The following ATG16L1 variants were observed in gnomAD, a reference collection of about 807,000 sequenced individuals.
ATG16L1 encodes the protein autophagy-related protein 16-1.
A neutral mutation model predicts 88.5 loss-of-function variants in ATG16L1; 37 were observed. The ratio of observed to expected loss-of-function variants is 0.42; its 90% CI spans 0.32 to 0.55. ATG16L1 has a LOEUF of 0.55. ATG16L1 is among the 20% of genes least tolerant of loss of function. The pLI, the probability that ATG16L1 is intolerant of heterozygous loss-of-function variation, is 0.13. For missense variants in ATG16L1, 554 were observed against 752.8 expected (o/e 0.74, Z 3.09); for synonymous variants, 301 against 281.0 (o/e 1.07, Z -0.71).
Position 233,283,471 on chromosome 2 carries a change from AT to A in ATG16L1, c.1203+727del, listed in dbSNP as rs10664510. 2.2e-4 allele frequency among the ~76,000 whole-genome samples: 34 copies of A among 151,204 alleles called. 1 individual carries two copies. Among genetic ancestry groups the A allele is most frequent in the African/African-American group, 6.8e-4 (28 of 41,214 alleles). On this transcript the variant is annotated intron_variant, in intron 12 of 17. Coordinates refer to ENST00000392017, the MANE Select transcript of ATG16L1 (RefSeq NM_030803.7). Reference sequence around the variant, plus strand: ...AGGCATTTTACTAAAAAAAAAAAAAATTTTTTTTTAAAAAGTTAACACAAGC... The same window carrying A: ...AGGCATTTTACTAAAAAAAAAAAAAATTTTTTTTAAAAAGTTAACACAAGC...
chr2:233,266,604 CG>C (rs1677517250), intron 5 of ATG16L1, among the ~76,000 whole-genome samples: 1 of 151,890 alleles, frequency 6.6e-6, no homozygotes, highest in Admixed American at 6.6e-5. Flanking sequence ...GAATAAATGA[CG>C]ATAGGAAAGA....
chr2:233,294,432 A>G lies in ATG16L1; in HGVS notation c.*82A>G, dbSNP rs749821173. Reference sequence around the variant, plus strand: ...TCCTGCAGCCCTGTCCTGGCAGGTGATGTGCTGGGTATAGCATGGACCTCC... The same window carrying G: ...TCCTGCAGCCCTGTCCTGGCAGGTGGTGTGCTGGGTATAGCATGGACCTCC... On this transcript the variant is annotated 3_prime_UTR_variant, in exon 18 of 18. Transcript: ENST00000392017. 7 of 1,148,914 alleles carry G rather than the reference A, an allele frequency of 6.1e-6. No homozygotes were observed. In the South Asian group the frequency reaches 9.2e-5, roughly 15 times the overall value. The allele number at this position is 1,148,914 out of a possible 1,614,324, so 71.2% of individuals were successfully genotyped here. A position where few individuals can be genotyped will look rare whatever the true frequency, so the allele number is the denominator to read the frequency against.
chr2:233,269,288 G>A (rs1458105280), intron 5 of ATG16L1, among the ~76,000 whole-genome samples: 1 of 152,156 alleles, frequency 6.6e-6, no homozygotes, highest in Non-Finnish European at 1.5e-5. Flanking sequence ...ATGAGTTAAA[G>A]TCTGTAAAGT....
At chr2:233,277,332 A>T in intron 9 of ATG16L1, 1 of 424,838 alleles carries the variant, frequency 2.4e-6, no homozygotes. Context: ...GTCTACACAG[A>T]TTTTGAGTAC....
chr2:233,276,678 C>T (rs1441649359), intron 9 of ATG16L1, among the ~76,000 whole-genome samples: 4 of 152,134 alleles, frequency 2.6e-5, no homozygotes, highest in East Asian at 1.9e-4. Context: ...GGTTTCGCCA[C>T]GTTGCCCAGG....
intron 2 of ATG16L1, among the ~76,000 whole-genome samples, chr2:233,257,589 A>G (rs1574842323): frequency 6.6e-6 from 1 of 152,324 alleles, no homozygotes; most frequent in East Asian, 1.9e-4. Context: ...TATATTTTCA[A>G]CTTCTGATGG....
intron 6 of ATG16L1, among the ~76,000 whole-genome samples, chr2:233,272,719 G>T (rs1449595049): frequency 6.6e-6 from 1 of 152,188 alleles, no homozygotes; most frequent in Non-Finnish European, 1.5e-5. Flanking sequence ...TACCTAAAAG[G>T]ATCAAAAGCT....
At chr2:233,265,211 A>G (rs1244074452) in intron 5 of ATG16L1, 68 bp downstream of exon 5, 76 of 1,566,002 alleles carry the variant, frequency 4.9e-5, no homozygotes, top group Non-Finnish European at 6.6e-5. Context: ...TTTGAAAAGA[A>G]AGAGATAAAC....
chr2:233,295,299 A>G lies in ATG16L1; in HGVS notation c.*949A>G, dbSNP rs1433258395. On this transcript the variant is annotated 3_prime_UTR_variant, in exon 18 of 18. Transcript: ENST00000392017. ...TCAGGGGTTGTGATGAAGGCCAAGG[A>G]AAAACATTTATCTTTACTATTTTAC... 1 of 152,850 alleles carries G rather than the reference A, an allele frequency of 6.5e-6. No individual in the cohort carries two copies. Among genetic ancestry groups the G allele is most frequent in the Non-Finnish European group, 1.5e-5 (1 of 68,058 alleles). The allele number at this position is 152,850 out of a possible 1,614,324, so 9.5% of individuals were successfully genotyped here. A position where few individuals can be genotyped will look rare whatever the true frequency, so the allele number is the denominator to read the frequency against.
At position 233,294,302 on chromosome 2, in the gene ATG16L1, T is replaced by C; in HGVS notation, c.1776T>C (p.Val592=). 6.2e-7 allele frequency: 1 copy of C among 1,613,574 alleles called. No homozygotes were observed. The highest frequency in any genetic ancestry group is 8.5e-7 in the Non-Finnish European group (1 of 1,179,804). ...AVAWSPSGSH[V]VSVDKGCKAV... ...CGTGGTCGCCCTCTGGCTCGCACGT[T>C]GTCAGTGTGGACAAAGGATGCAAAG... The change falls in exon 18 of 18, where the codon GTT becomes GTC. Residue 592 remains valine, a synonymous_variant. Transcript: ENST00000392017.
chr2:233,264,269 G>C (rs10165561), intron 4 of ATG16L1, among the ~76,000 whole-genome samples: 66,116 of 152,084 alleles, frequency 0.43, 15,085 homozygotes, highest in Non-Finnish European at 0.52. Flanking sequence ...CAGGCTTCTA[G>C]CATCCTCCTA....
intron 12 of ATG16L1, 50 bp downstream of exon 12, chr2:233,282,803 T>A: frequency 6.4e-7 from 1 of 1,555,614 alleles, no homozygotes; most frequent in Non-Finnish European, 8.9e-7. Context: ...TCATGTGGTG[T>A]TATCAAGGCA....
intron 5 of ATG16L1, among the ~76,000 whole-genome samples, chr2:233,269,239 A>G (rs1413201338): frequency 6.6e-6 from 1 of 152,242 alleles, no homozygotes; most frequent in Non-Finnish European, 1.5e-5. Flanking sequence ...ATAAATGGCA[A>G]TAATGATATT....
intron 5 of ATG16L1, among the ~76,000 whole-genome samples, chr2:233,267,079 G>A (rs987068104): frequency 1.3e-5 from 2 of 152,192 alleles, no homozygotes; most frequent in African/African-American, 4.8e-5. Context: ...GCCTGGTGTG[G>A]TGGCGCACAC....
chr2:233,276,088 G>T (rs1255746667), intron 9 of ATG16L1: 1 of 406,940 alleles, frequency 2.5e-6, no homozygotes, highest in East Asian at 6.5e-5. Flanking sequence ...TTCAGCAGTG[G>T]GTCACAAGAG....
chr2:233,251,859 C>G lies in ATG16L1; in HGVS notation c.32C>G (p.Pro11Arg). The G allele has an allele frequency of 6.5e-7, 1 of 1,550,334 alleles. No individual in the cohort carries two copies. Among genetic ancestry groups the G allele is most frequent in the Non-Finnish European group, 8.7e-7 (1 of 1,147,116 alleles). The change falls in exon 1 of 18, where the codon CCC becomes CGC. Residue 11 changes from proline to arginine, a missense_variant. Transcript: ENST00000392017. The stretch of plus-strand genomic sequence containing the variant: ...TCGGGCCTCCGCGCCGCTGACTTCC[C>G]CCGCTGGAAGCGCCACATCTCGGAG... The part of the protein sequence containing the change: MSSGLRAADF[P>R]RWKRHISEQL...
chr2:233,292,196 G>A lies in ATG16L1; in HGVS notation c.1499G>A (p.Arg500Lys). 6.2e-7 allele frequency: 1 copy of A among 1,614,242 alleles called. No homozygotes were observed. ...KITALDLNPE[R>K]TELLSCSRDD... ...ACTGCCCTGGACTTAAACCCAGAAAGGACTGAGCTCCTGAGCTGCTCCCGT... is the reference window on the plus strand; with the variant it reads ...ACTGCCCTGGACTTAAACCCAGAAAAGACTGAGCTCCTGAGCTGCTCCCGT... Residue 500 changes from arginine to lysine, a missense_variant, in exon 15 of 18, where the codon AGG becomes AAG. Physicochemically the swap from Arg to Lys is conservative, Grantham distance 26. Around this residue, in one of 5 missense-constraint regions of ATG16L1, gnomAD observed 370 missense variants for 509.7 expected, o/e 0.73. Transcript: ENST00000392017.
intron 9 of ATG16L1, chr2:233,275,979 A>T (rs202144988): frequency 3.3e-5 from 17 of 518,692 alleles, no homozygotes; most frequent in Non-Finnish European, 5.8e-5. Flanking sequence ...ATGGTGCATG[A>T]TCTCAAGTTT....
intron 9 of ATG16L1, chr2:233,276,015 A>G (rs773633795): frequency 5.9e-6 from 3 of 508,074 alleles, no homozygotes; most frequent in South Asian, 2.8e-5. Context: ...CTAAGGAGAA[A>G]GAAACCATAA....
Sources: gnomAD v4.1 joint callset for allele counts (sites outside exome capture counted in the v4.1 genomes callset) on GRCh38, gnomAD v4.1.1 for gene constraint, gnomAD v4.1.1 regional missense constraint, MANE v1.5 for transcripts, NCBI Gene and HGNC (gene_info 2026-07-23, HGNC 2026-07-21) for gene names.